Variants in SPATS1 observed in about 807,000 individuals in gnomAD.
SPATS1 encodes spermatogenesis-associated serine-rich protein 1.
Under a neutral mutation model 33.6 loss-of-function variants are expected in SPATS1, and 23 were observed. The ratio of observed to expected loss-of-function variants is 0.68; its 90% confidence interval spans 0.49 to 0.97. The LOEUF is 0.97. Ranked by LOEUF, SPATS1 falls within the 50% of genes least tolerant of loss-of-function variation. SPATS1 has a pLI of 0.00. For missense variants in SPATS1, 327 were observed against 361.0 expected, an observed-to-expected ratio of 0.91 and a Z score of 0.76; for synonymous variants, 131 against 125.6, an observed-to-expected ratio of 1.04 and a Z score of -0.29.
intron 2 of SPATS1, among the ~76,000 whole-genome samples, chr6:44,349,586 A>C (rs1788113723): frequency 6.6e-6 from 1 of 152,250 alleles, no homozygotes; most frequent in Non-Finnish European, 1.5e-5. Flanking sequence ...AAAAGCATGT[A>C]TCATACTTTA....
Position 44,379,771 on chromosome 6 carries a change from C to T in SPATS1, c.*2708C>T, listed in dbSNP as rs113241742. Among the ~76,000 whole-genome samples the T allele has an allele frequency of 1.2e-3, 182 of 146,822 alleles. No individual in the cohort carries two copies. Among genetic ancestry groups the T allele is most frequent in the African/African-American group, 4.2e-3 (170 of 40,070 alleles). On this transcript the variant is annotated 3_prime_UTR_variant, in exon 9 of 9. Coordinates refer to ENST00000674044, the MANE Select transcript of SPATS1 (RefSeq NM_001372081.1). ...TTCCTTTTTCTTTTAATCCAGGCCG[C>T]AAAAACCATGAGTAAAAAAAAAAAA...
Position 44,368,424 on chromosome 6 carries a change from A to G in SPATS1, c.620A>G (p.Asn207Ser). 6.2e-7 allele frequency: 1 copy of G among 1,613,818 alleles called. No individual in the cohort carries two copies. The highest frequency in any genetic ancestry group is 1.7e-5 in the Admixed American group (1 of 60,014). ...NGIPKLTPGD[N>S]PYMYPEQSKG... ...ATCCCAAAGTTAACTCCAGGCGACAATCCATATATGTACCCAGAACAGAGT... is the reference window on the plus strand; with the variant it reads ...ATCCCAAAGTTAACTCCAGGCGACAGTCCATATATGTACCCAGAACAGAGT... Residue 207 changes from asparagine to serine, a missense_variant, in exon 6 of 9, where the codon AAT becomes AGT. Asn to Ser is a conservative substitution (Grantham distance 46). Transcript: ENST00000674044.
intron 7 of SPATS1, among the ~76,000 whole-genome samples, chr6:44,370,522 G>A (rs1789540129): frequency 6.6e-6 from 1 of 152,188 alleles, no homozygotes; most frequent in African/African-American, 2.4e-5. Flanking sequence ...TTCTGTGTTT[G>A]AGGGAAATAT....
intron 7 of SPATS1, among the ~76,000 whole-genome samples, chr6:44,375,537 T>C (rs1347681757): frequency 6.6e-6 from 1 of 152,160 alleles, no homozygotes; most frequent in African/African-American, 2.4e-5. Flanking sequence ...CGGGTGGGGA[T>C]GGTGGCTCAT....
At chr6:44,376,246 T>C (rs1789943644) in intron 7 of SPATS1, 112 bp from the exon 8 acceptor site, 4 of 628,520 alleles carry the variant, frequency 6.4e-6, no homozygotes, top group Non-Finnish European at 1.1e-5. Flanking sequence ...TTGAAGCTGG[T>C]CTCCTAAATT....
At position 44,370,121 on chromosome 6, in the gene SPATS1, C is replaced by A. The variant is rs377367090; in HGVS notation, c.758+8C>A. 326 of 1,607,016 alleles carry A rather than the reference C, an allele frequency of 2.0e-4. 2 individuals are homozygous for A. The highest frequency in any genetic ancestry group is 2.7e-4 in the Non-Finnish European group (319 of 1,174,654). Reference sequence around the variant, plus strand: ...TCTTCCACAAATTCCCAAGTGAGTTCTCTTGTCATGTTTTGTGTTATCCCA... The same window carrying A: ...TCTTCCACAAATTCCCAAGTGAGTTATCTTGTCATGTTTTGTGTTATCCCA... On this transcript the variant is annotated splice_region_variant and intron_variant, in intron 7 of 8. Transcript: ENST00000674044.
chr6:44,366,845 A>G (rs1443569575), intron 5 of SPATS1, among the ~76,000 whole-genome samples: 1 of 152,228 alleles, frequency 6.6e-6, no homozygotes, highest in African/African-American at 2.4e-5. Context: ...ATTATTTAGT[A>G]TTCATGATAA....
intron 4 of SPATS1, 119 bp downstream of exon 4, chr6:44,360,689 T>G: frequency 7.9e-7 from 1 of 1,261,074 alleles, no homozygotes; most frequent in Non-Finnish European, 1.1e-6. Context: ...GTACTTTATC[T>G]CAAAATTCAC....
intron 2 of SPATS1, among the ~76,000 whole-genome samples, chr6:44,344,547 G>T (rs1787763149): frequency 6.6e-6 from 1 of 152,166 alleles, no homozygotes; most frequent in Non-Finnish European, 1.5e-5. Context: ...ATAAGCAGGG[G>T]TGGGAAATAG....
intron 5 of SPATS1, among the ~76,000 whole-genome samples, chr6:44,362,663 G>A (rs776537125): frequency 9.2e-5 from 14 of 152,202 alleles, no homozygotes; most frequent in Non-Finnish European, 1.8e-4. Context: ...CAAAGAGAAA[G>A]AAGTAGACTG....
intron 5 of SPATS1, among the ~76,000 whole-genome samples, chr6:44,365,293 C>A (rs191256375): frequency 6.6e-6 from 1 of 152,300 alleles, no homozygotes; most frequent in Non-Finnish European, 1.5e-5. Context: ...GAACAAAATG[C>A]CATCTATGAT....
Position 44,377,159 on chromosome 6 carries a change from T to A in SPATS1, c.*96T>A. On this transcript the variant is annotated 3_prime_UTR_variant, in exon 9 of 9. Coordinates refer to ENST00000674044, the MANE Select transcript of SPATS1 (RefSeq NM_001372081.1). ...ATGTGACTGTTCTAAATCCAGTGTT[T>A]GACCCTTATGAGGAAGTGTTGTGCT... 2 of 1,454,750 alleles carry A rather than the reference T, an allele frequency of 1.4e-6. No homozygotes were observed. The highest frequency in any genetic ancestry group is 2.3e-5 in the South Asian group (2 of 87,280). The allele number at this position is 1,454,750 out of a possible 1,614,324, so 90.1% of individuals were successfully genotyped here.
chr6:44,369,897 TA>T (rs1789498005), intron 6 of SPATS1, among the ~76,000 whole-genome samples, 153 bp from the exon 7 acceptor site: 1 of 151,544 alleles, frequency 6.6e-6, no homozygotes, highest in Non-Finnish European at 1.5e-5. Flanking sequence ...TAAAATAAAA[TA>T]AAATAAAATA....
rs1787851988 is a variant in SPATS1, at chr6:44,345,953, A to T, written c.139+2719A>T. On this transcript the variant is annotated intron_variant, in intron 2 of 8. Transcript: ENST00000674044. ...CAAACACCTGGGTGTTTGCAAACGG[A>T]TAACAAATAATGGCATCTCATTTTA... Among the ~76,000 whole-genome samples the T allele has an allele frequency of 2.0e-5, 3 of 152,300 alleles. No homozygotes were observed. In the South Asian group the frequency reaches 6.2e-4, roughly 32 times the overall value.
At chr6:44,376,512 G>A (rs1485897258) in intron 8 of SPATS1, 39 bp downstream of exon 8, 12 of 1,454,074 alleles carry the variant, frequency 8.3e-6, no homozygotes, top group Non-Finnish European at 1.1e-5. Context: ...GTAAAAACTG[G>A]AGGAGTCCGC....
At chr6:44,348,141 G>A (rs1022166750) in intron 2 of SPATS1, among the ~76,000 whole-genome samples, 1 of 151,654 alleles carries the variant, frequency 6.6e-6, no homozygotes, top group Non-Finnish European at 1.5e-5. Flanking sequence ...CCTGAGTAAC[G>A]GGGATTACAG....
chr6:44,365,695 G>A (rs895428612), intron 5 of SPATS1, among the ~76,000 whole-genome samples: 4 of 152,164 alleles, frequency 2.6e-5, no homozygotes, highest in African/African-American at 9.7e-5. Context: ...CTACCTAAAC[G>A]CATCGGGGCA....
At chr6:44,355,749 G>A (rs1308934713) in intron 3 of SPATS1, among the ~76,000 whole-genome samples, 1 of 152,198 alleles carries the variant, frequency 6.6e-6, no homozygotes, top group East Asian at 1.9e-4. Flanking sequence ...CCCAGCACTA[G>A]ACATGGAAGA....
In SPATS1 at chr6:44,376,368, T is replaced by C. The variant is rs1789955170; in HGVS notation, c.769T>C (p.Trp257Arg). The C allele has an allele frequency of 6.2e-7, 1 of 1,612,228 alleles. No homozygotes were observed. The highest frequency in any genetic ancestry group is 1.7e-5 in the Admixed American group (1 of 59,828). Residue 257 changes from tryptophan to arginine, a missense_variant, in exon 8 of 9, where the codon TGG becomes CGG. Coordinates refer to ENST00000674044, the MANE Select transcript of SPATS1 (RefSeq NM_001372081.1). Reference sequence around the variant, plus strand: ...GTCTTCTTCCCACAGCTTGCCTTTCTGGGTGAAGGAGAAGGCCAACAGTTT... The same window carrying C: ...GTCTTCTTCCCACAGCTTGCCTTTCCGGGTGAAGGAGAAGGCCAACAGTTT... ...PLPQIPNLPFWVKEKANSLKN... is the reference protein window; with the variant it reads ...PLPQIPNLPFRVKEKANSLKN...
Sources: allele counts gnomAD v4.1 joint callset (sites outside exome capture counted in the v4.1 genomes callset), GRCh38; gene constraint gnomAD v4.1.1; transcripts MANE v1.5; gene names NCBI Gene and HGNC (gene_info 2026-07-23, HGNC 2026-07-21).